The following TIMD4 variants were observed in gnomAD, a reference collection of about 807,000 sequenced individuals.
The protein encoded by TIMD4 is T cell immunoglobulin and mucin domain containing 4, also known as T-cell immunoglobulin and mucin domain-containing protein 4.
In TIMD4, 31 loss-of-function variants were observed where a neutral mutation model predicts 41.2. That is an observed-to-expected ratio of 0.75 (90% CI 0.57 to 1.01). The LOEUF is 1.01. TIMD4 is among the 50% of genes least tolerant of loss of function. The pLI is 0.00. For synonymous variants in TIMD4, 204 were observed against 177.1 expected (o/e 1.15, Z -1.21); for missense variants, 479 against 472.5 (o/e 1.01, Z -0.13).
At chr5:156,960,490 T>C (rs367852183) in intron 1 of TIMD4, among the ~76,000 whole-genome samples, 102 of 145,852 alleles carry the variant, frequency 7.0e-4, no homozygotes, top group African/African-American at 2.5e-3. Flanking sequence ...CACTGCAACC[T>C]CTGCCTCTCT....
At chr5:156,937,756 A>G (rs1581618926) in intron 5 of TIMD4, among the ~76,000 whole-genome samples, 2 of 152,332 alleles carry the variant, frequency 1.3e-5, no homozygotes, top group East Asian at 1.9e-4. Context: ...AAAATTGTAC[A>G]GTTGGTAGAC....
intron 5 of TIMD4, among the ~76,000 whole-genome samples, chr5:156,946,298 C>G (rs947754735): frequency 3.3e-5 from 5 of 152,170 alleles, no homozygotes; most frequent in Non-Finnish European, 7.4e-5. Context: ...CTTTGGCACC[C>G]CATTTCCCTT....
chr5:156,952,017 C>T (rs1203516095), intron 2 of TIMD4, among the ~76,000 whole-genome samples: 4 of 152,054 alleles, frequency 2.6e-5, no homozygotes, highest in South Asian at 2.1e-4. Context: ...TGGCCAGGTG[C>T]AGTGGTTCAC....
At chr5:156,961,807 T>C (rs1398082960) in intron 1 of TIMD4, among the ~76,000 whole-genome samples, 1 of 1,952 alleles carries the variant, frequency 5.1e-4, no homozygotes, top group African/African-American at 9.2e-4. Context: ...AGACTCCGTC[T>C]CAAAAAAAAA....
chr5:156,922,738 A>T (rs1759267197), intron 6 of TIMD4, among the ~76,000 whole-genome samples: 1 of 152,098 alleles, frequency 6.6e-6, no homozygotes. Context: ...AGGCTATGTG[A>T]TGTGTGATGT....
intron 1 of TIMD4, among the ~76,000 whole-genome samples, chr5:156,961,179 G>A (rs1753019300): frequency 6.6e-6 from 1 of 152,102 alleles, no homozygotes; most frequent in African/African-American, 2.4e-5. Context: ...ACCACAATGA[G>A]GTATCACTTC....
chr5:156,958,944 T>C (rs571567101), intron 1 of TIMD4, among the ~76,000 whole-genome samples: 1 of 152,120 alleles, frequency 6.6e-6, no homozygotes, highest in Non-Finnish European at 1.5e-5. Flanking sequence ...AGACATAAAA[T>C]ATAAAACCCT....
At chr5:156,942,066 G>T (rs1759660512) in intron 5 of TIMD4, among the ~76,000 whole-genome samples, 1 of 152,136 alleles carries the variant, frequency 6.6e-6, no homozygotes, top group South Asian at 2.1e-4. Context: ...AGTATCGCAA[G>T]GAAAGAAAAA....
intron 6 of TIMD4, among the ~76,000 whole-genome samples, chr5:156,923,698 C>G (rs1278004226): frequency 1.4e-5 from 2 of 147,178 alleles, no homozygotes; most frequent in Non-Finnish European, 3.0e-5. Context: ...ATCACGATGC[C>G]TGGCTATTTT....
At chr5:156,940,809 G>A (rs1759635609) in intron 5 of TIMD4, among the ~76,000 whole-genome samples, 1 of 152,268 alleles carries the variant, frequency 6.6e-6, no homozygotes, top group African/African-American at 2.4e-5. Flanking sequence ...GCCCCGTCTG[G>A]GAGGTGTACC....
At chr5:156,933,462 C>A (rs1412301221) in intron 5 of TIMD4, among the ~76,000 whole-genome samples, 3 of 150,886 alleles carry the variant, frequency 2.0e-5, no homozygotes, top group Non-Finnish European at 4.4e-5. Flanking sequence ...CCCCAACCCC[C>A]CCCCAAAAAA....
At chr5:156,923,140 TA>T (rs1252877107) in intron 6 of TIMD4, among the ~76,000 whole-genome samples, 3 of 140,604 alleles carry the variant, frequency 2.1e-5, no homozygotes, top group Non-Finnish European at 4.5e-5. Context: ...TTGCTGGGAT[TA>T]AATTTTTTTT....
intron 5 of TIMD4, among the ~76,000 whole-genome samples, chr5:156,936,932 GAAA>G (rs979433463): frequency 1.1e-5 from 1 of 92,604 alleles, no homozygotes; most frequent in African/African-American, 3.7e-5. Flanking sequence ...ACTCCGTCTG[GAAA>G]AAAAAAAAAA....
rs749826212 is a variant in TIMD4 at position 156,928,027 on chromosome 5, C to T, written c.845-1715G>A. On this transcript the variant is annotated intron_variant, in intron 5 of 8. Coordinates refer to ENST00000274532, the MANE Select transcript of TIMD4 (RefSeq NM_138379.3). Reference sequence around the variant, plus strand: ...CTCAGAGTATATAAGAAATCTGGCCCGGGCACAGTGGCTCATGCCTGTAAT... The same window carrying T: ...CTCAGAGTATATAAGAAATCTGGCCTGGGCACAGTGGCTCATGCCTGTAAT... 1.0e-3 allele frequency among the ~76,000 whole-genome samples: 156 copies of T among 152,226 alleles called. 1 individual carries two copies. Among genetic ancestry groups the T allele is most frequent in the Middle Eastern group, 3.4e-3 (1 of 294 alleles).
intron 5 of TIMD4, among the ~76,000 whole-genome samples, chr5:156,937,382 C>CCG (rs1561547963): frequency 6.6e-6 from 1 of 151,958 alleles, no homozygotes; most frequent in African/African-American, 2.4e-5. Flanking sequence ...GGGCAGAAAA[C>CCG]AGAGAGAGAG....
intron 1 of TIMD4, among the ~76,000 whole-genome samples, chr5:156,960,988 G>A (rs80314853): frequency 0.012 from 1,836 of 152,338 alleles, 30 homozygotes; most frequent in East Asian, 0.064. Flanking sequence ...ATGGCACTAC[G>A]GAGGAAAGAA....
chr5:156,919,380 A>T lies in TIMD4; in HGVS notation c.*77T>A, dbSNP rs567957695. The T allele has an allele frequency of 5.7e-4, 772 of 1,351,158 alleles. 3 individuals are homozygous for T. The highest frequency in any genetic ancestry group is 7.2e-4 in the Non-Finnish European group (684 of 951,924). The allele number at this position is 1,351,158 out of a possible 1,614,324, so 83.7% of individuals were successfully genotyped here. ...GGAATAAGTGAGTCTTTTTTATGAA[A>T]CAAGGAAATCTACTAAGACTTATTT... On this transcript the variant is annotated 3_prime_UTR_variant, in exon 9 of 9. Transcript: ENST00000274532.
chr5:156,926,315 G>A lies in TIMD4; in HGVS notation c.845-3C>T, dbSNP rs1436632331. The A allele has an allele frequency of 2.5e-6, 4 of 1,613,388 alleles. No individual in the cohort carries two copies. The highest frequency in any genetic ancestry group is 2.2e-5 in the South Asian group (2 of 91,040). On this transcript the variant is annotated splice_region_variant and splice_polypyrimidine_tract_variant and intron_variant, in intron 5 of 8. Transcript: ENST00000274532. ...CTCAGGAACTGCTGTATCAGATGCT[G>A]GGAAGGAAAAGAGAAGAAAATGGTT...
chr5:156,954,853 A>G, intron 1 of TIMD4, 97 bp from the exon 2 acceptor site: 1 of 1,003,350 alleles, frequency 1.0e-6, no homozygotes, highest in Non-Finnish European at 1.5e-6. Flanking sequence ...AGGAAGATGA[A>G]GAAAGCTGTA....
Sources: allele counts gnomAD v4.1 joint callset (sites outside exome capture counted in the v4.1 genomes callset), GRCh38; gene constraint gnomAD v4.1.1; transcripts MANE v1.5; gene names NCBI Gene and HGNC (gene_info 2026-07-23, HGNC 2026-07-21).